Variants in FOXO1 observed in about 807,000 individuals in gnomAD.
The protein encoded by FOXO1 is forkhead box protein O1.
In FOXO1, 6 loss-of-function variants were observed where a neutral mutation model predicts 44.1. The observed-to-expected ratio is 0.14, with a 90% CI of 0.07 to 0.27. The LOEUF is 0.27. FOXO1 is among the 10% of genes least tolerant of loss of function. FOXO1 has a pLI of 1.00. For missense variants in FOXO1, 737 were observed against 888.8 expected, an observed-to-expected ratio of 0.83 and a Z score of 2.17; for synonymous variants, 380 against 362.7, an observed-to-expected ratio of 1.05 and a Z score of -0.54.
intron 1 of FOXO1, among the ~76,000 whole-genome samples, chr13:40,609,265 T>C (rs1876139099): frequency 6.6e-6 from 1 of 152,150 alleles, no homozygotes; most frequent in Non-Finnish European, 1.5e-5. Context: ...ACTGGGAGCC[T>C]ACTGCTTCTT....
intron 1 of FOXO1, among the ~76,000 whole-genome samples, chr13:40,597,911 C>T (rs148516610): frequency 2.0e-5 from 3 of 152,294 alleles, no homozygotes; most frequent in African/African-American, 7.2e-5. Context: ...TGCCCAGGAG[C>T]CGGCAGGCAG....
At position 40,556,730 on chromosome 13, in the gene FOXO1, G is replaced by A. The variant is rs1333318454; in HGVS notation, c.*2319C>T. The A allele has an allele frequency of 1.3e-5, 2 of 152,302 alleles. No homozygotes were observed. The highest frequency in any genetic ancestry group is 3.9e-4 in the East Asian group (2 of 5,190). 9.4% of individuals were successfully genotyped at this position (152,302 alleles called of 1,614,324 possible). A position where few individuals can be genotyped will look rare whatever the true frequency, so the allele number is the denominator to read the frequency against. On this transcript the variant is annotated 3_prime_UTR_variant, in exon 3 of 3. Coordinates refer to ENST00000379561, the MANE Select transcript of FOXO1 (RefSeq NM_002015.4). ...TATAATTACCCAGACTCAGGAGGAA[G>A]ATATATTTTCCTAAGAGCTACTCCA...
intron 1 of FOXO1, among the ~76,000 whole-genome samples, chr13:40,570,828 A>G (rs1158728946): frequency 6.6e-6 from 1 of 152,176 alleles, no homozygotes; most frequent in Admixed American, 6.5e-5. Flanking sequence ...GGCTCTATGC[A>G]CTATCAGAAA....
intron 1 of FOXO1, among the ~76,000 whole-genome samples, chr13:40,596,571 C>A (rs1040261773): frequency 2.0e-5 from 3 of 152,152 alleles, no homozygotes; most frequent in African/African-American, 7.2e-5. Context: ...AAAAGGAGGA[C>A]AACAGATACC....
At chr13:40,612,087 CAAAT>C (rs1402549639) in intron 1 of FOXO1, among the ~76,000 whole-genome samples, 3 of 151,964 alleles carry the variant, frequency 2.0e-5, no homozygotes, top group South Asian at 4.2e-4. Flanking sequence ...AATAAACAAA[CAAAT>C]AAAAATAAAA....
At chr13:40,635,451 A>T (rs765662325) in intron 1 of FOXO1, among the ~76,000 whole-genome samples, 1 of 152,194 alleles carries the variant, frequency 6.6e-6, no homozygotes, top group Non-Finnish European at 1.5e-5. Context: ...TTAATACTGC[A>T]TCCATGGGGA....
At chr13:40,653,308 T>C (rs1877746330) in intron 1 of FOXO1, among the ~76,000 whole-genome samples, 1 of 152,028 alleles carries the variant, frequency 6.6e-6, no homozygotes, top group South Asian at 2.1e-4. Flanking sequence ...CAGGGTGCCT[T>C]TTCACTCTCA....
At chr13:40,638,651 T>C (rs1038971210) in intron 1 of FOXO1, among the ~76,000 whole-genome samples, 1 of 151,658 alleles carries the variant, frequency 6.6e-6, no homozygotes, top group Non-Finnish European at 1.5e-5. Context: ...ACAACAAGCT[T>C]CACAAAAAAG....
At chr13:40,633,124 TAG>T (rs974923340) in intron 1 of FOXO1, among the ~76,000 whole-genome samples, 1 of 152,222 alleles carries the variant, frequency 6.6e-6, no homozygotes, top group Non-Finnish European at 1.5e-5. Context: ...ATCAAGGTTG[TAG>T]AGAGATGAGA....
At chr13:40,663,241 T>C (rs2137947099) in intron 1 of FOXO1, among the ~76,000 whole-genome samples, 1 of 152,362 alleles carries the variant, frequency 6.6e-6, no homozygotes, top group Admixed American at 6.5e-5. Context: ...TCTTGCATTT[T>C]TAAAAAAATC....
chr13:40,656,833 A>T (rs1877873788), intron 1 of FOXO1, among the ~76,000 whole-genome samples: 1 of 145,474 alleles, frequency 6.9e-6, no homozygotes, highest in African/African-American at 2.5e-5. Context: ...ACTCTGAGAA[A>T]TTTTTTTTTT....
At chr13:40,637,335 T>G (rs147280656) in intron 1 of FOXO1, among the ~76,000 whole-genome samples, 1 of 149,072 alleles carries the variant, frequency 6.7e-6, no homozygotes, top group Non-Finnish European at 1.5e-5. Flanking sequence ...TCCCAGCTAC[T>G]CAGGAGGCTG....
At chr13:40,652,090 C>T (rs527699577) in intron 1 of FOXO1, among the ~76,000 whole-genome samples, 1 of 152,218 alleles carries the variant, frequency 6.6e-6, no homozygotes, top group African/African-American at 2.4e-5. Flanking sequence ...CAACCCCAAT[C>T]GATATTTACA....
chr13:40,613,201 C>G (rs1876298398), intron 1 of FOXO1, among the ~76,000 whole-genome samples: 1 of 152,100 alleles, frequency 6.6e-6, no homozygotes, highest in Admixed American at 6.6e-5. Context: ...AAAGTGTCCT[C>G]TTTTTGGAGG....
chr13:40,601,443 C>T (rs1483566841), intron 1 of FOXO1, among the ~76,000 whole-genome samples: 4 of 152,184 alleles, frequency 2.6e-5, no homozygotes. Flanking sequence ...AGTGGAAGCA[C>T]TGCTAAAACA....
chr13:40,658,905 A>G (rs1877945534), intron 1 of FOXO1, among the ~76,000 whole-genome samples: 1 of 152,136 alleles, frequency 6.6e-6, no homozygotes. Flanking sequence ...TCAGCTACTC[A>G]GGAGGCTGAG....
At chr13:40,655,046 T>C (rs527970682) in intron 1 of FOXO1, among the ~76,000 whole-genome samples, 34 of 152,206 alleles carry the variant, frequency 2.2e-4, no homozygotes, top group African/African-American at 6.7e-4. Flanking sequence ...CAAACATCAA[T>C]AGTGGTCGGC....
intron 1 of FOXO1, among the ~76,000 whole-genome samples, chr13:40,587,465 A>C (rs189095751): frequency 1.3e-3 from 201 of 152,314 alleles, no homozygotes; most frequent in African/African-American, 4.7e-3. Context: ...AAGAAAAAAT[A>C]AAGATTTATC....
At chr13:40,621,287 G>T in intron 1 of FOXO1, 3 of 758,152 alleles carry the variant, frequency 4.0e-6, no homozygotes, top group South Asian at 1.9e-5. Context: ...GGCTCTCAGA[G>T]AATTTCACTT....
Sources: allele counts gnomAD v4.1 joint callset (sites outside exome capture counted in the v4.1 genomes callset), GRCh38; gene constraint gnomAD v4.1.1; transcripts MANE v1.5; gene names NCBI Gene and HGNC (gene_info 2026-07-23, HGNC 2026-07-21).